The following PYM1 variants were observed in gnomAD, a reference collection of about 807,000 sequenced individuals.
PYM1 encodes partner of Y14 and mago.
A neutral mutation model predicts 20.7 loss-of-function variants in PYM1; 7 were observed. That is an observed-to-expected ratio of 0.34 (90% CI 0.19 to 0.64). PYM1 has a LOEUF of 0.64. Ranked by LOEUF, PYM1 falls within the 30% of genes least tolerant of loss-of-function variation. The pLI, the probability that PYM1 is intolerant of heterozygous loss-of-function variation, is 0.74. For synonymous variants in PYM1, 100 were observed against 99.2 expected, an observed-to-expected ratio of 1.01 and a Z score of -0.05; for missense variants, 194 against 250.0, an observed-to-expected ratio of 0.78 and a Z score of 1.51.
At chr12:55,911,345 C>T (rs1163641982) in intron 1 of PYM1, among the ~76,000 whole-genome samples, 1 of 151,914 alleles carries the variant, frequency 6.6e-6, no homozygotes, top group Non-Finnish European at 1.5e-5. Flanking sequence ...CTCCTGACCT[C>T]ATGTGATCCA....
chr12:55,918,412 A>G (rs1883045381), intron 1 of PYM1, among the ~76,000 whole-genome samples: 1 of 151,766 alleles, frequency 6.6e-6, no homozygotes, highest in Non-Finnish European at 1.5e-5. Flanking sequence ...AAACCTGCAC[A>G]TTTTCTAAAT....
rs371509313 is a variant in PYM1, at chr12:55,902,241, G to A, written c.246C>T (p.Gly82=). The change falls in exon 3 of 3, where the codon GGC becomes GGT. Residue 82 remains glycine (G), a synonymous_variant. Transcript: ENST00000408946. The part of the protein sequence containing the change: ...TPSRPEGGEP[G]LSKTAKRNLK... ...GGTTACGTTTGGCTGTCTTGGAGAG[G>A]CCTGGTTCACCACCTTCAGGCCTGG... 1.2e-6 allele frequency: 2 copies of A among 1,614,164 alleles called. No individual in the cohort carries two copies. The highest frequency in any genetic ancestry group is 1.7e-6 in the Non-Finnish European group (2 of 1,180,032).
intron 1 of PYM1, among the ~76,000 whole-genome samples, chr12:55,918,092 C>CTTTTTTTTTTTTTTTTTT (rs1370515001): frequency 7.0e-6 from 1 of 143,412 alleles, no homozygotes; most frequent in African/African-American, 2.6e-5. Flanking sequence ...TACACATTTT[C>CTTTTTTTTTTTTTTTTTT]TTTTTTTTTT....
At chr12:55,926,166 A>G (rs1304354865) in intron 1 of PYM1, among the ~76,000 whole-genome samples, 1 of 152,242 alleles carries the variant, frequency 6.6e-6, no homozygotes, top group Admixed American at 6.5e-5. Flanking sequence ...CTTGCACAGT[A>G]TTTTATAAAT....
At chr12:55,904,611 A>T (rs889647689) in intron 1 of PYM1, among the ~76,000 whole-genome samples, 9 of 150,312 alleles carry the variant, frequency 6.0e-5, no homozygotes, top group South Asian at 2.1e-4. Flanking sequence ...AAAAAAAAAA[A>T]AAAAAAAAGA....
chr12:55,924,701 G>C (rs1397922533), intron 1 of PYM1, among the ~76,000 whole-genome samples: 1 of 152,164 alleles, frequency 6.6e-6, no homozygotes, highest in Non-Finnish European at 1.5e-5. Flanking sequence ...TTTTGAGACA[G>C]AGTCTCGCTC....
At position 55,904,539 on chromosome 12, in the gene PYM1, T is replaced by C. The variant is rs190270008; in HGVS notation, c.38-1059A>G. ...TGAACCCAGGAGGCGGACATTGCAG[T>C]GGGCAGAGATTGCGCCACTGCACTC... On this transcript the variant is annotated intron_variant, in intron 1 of 2. Transcript: ENST00000408946. Among the ~76,000 whole-genome samples the C allele has an allele frequency of 4.8e-3, 604 of 125,896 alleles. 7 individuals carry two copies. The highest frequency in any genetic ancestry group is 0.018 in the African/African-American group (574 of 32,492). 82.6% of individuals were successfully genotyped at this position (125,896 alleles called of 152,430 possible).
chr12:55,911,841 A>G (rs1257499036), intron 1 of PYM1, among the ~76,000 whole-genome samples: 1 of 151,210 alleles, frequency 6.6e-6, no homozygotes, highest in Non-Finnish European at 1.5e-5. Flanking sequence ...AACTCCATCA[A>G]GAAAAGAGAA....
chr12:55,908,592 C>T (rs1363600064), intron 1 of PYM1, among the ~76,000 whole-genome samples: 1 of 152,130 alleles, frequency 6.6e-6, no homozygotes, highest in Non-Finnish European at 1.5e-5. Context: ...GGGCCCACTC[C>T]TGTACTCCTA....
intron 1 of PYM1, among the ~76,000 whole-genome samples, chr12:55,924,078 A>G (rs1006402750): frequency 6.6e-6 from 1 of 151,672 alleles, no homozygotes; most frequent in South Asian, 2.1e-4. Flanking sequence ...TCTGTCTCAA[A>G]GAAAAAAAAA....
intron 1 of PYM1, among the ~76,000 whole-genome samples, chr12:55,908,420 ATCTT>A (rs988058705): frequency 1.3e-5 from 2 of 149,384 alleles, no homozygotes; most frequent in Non-Finnish European, 3.0e-5. Context: ...CAGAGTGAAA[ATCTT>A]TCTCAAAAAA....
chr12:55,906,670 T>C (rs1882822377), intron 1 of PYM1, among the ~76,000 whole-genome samples: 1 of 152,086 alleles, frequency 6.6e-6, no homozygotes, highest in Non-Finnish European at 1.5e-5. Context: ...GATTTTGAGA[T>C]GGAGTTTCGC....
intron 1 of PYM1, chr12:55,926,973 C>A (rs766909764): frequency 7.9e-7 from 1 of 1,264,232 alleles, no homozygotes; most frequent in South Asian, 1.6e-5. Context: ...GGGGGCGGGG[C>A]AAAGGAGGGG....
At chr12:55,907,463 C>CAAAAAAAAAAAAAAAA (rs770960966) in intron 1 of PYM1, among the ~76,000 whole-genome samples, 1 of 52,006 alleles carries the variant, frequency 1.9e-5, no homozygotes, top group African/African-American at 6.3e-5. Context: ...TACATAAATA[C>CAAAAAAAAAAAAAAAA]AAAAAAAAAA....
At chr12:55,914,197 C>T in intron 1 of PYM1, 1 of 666,498 alleles carries the variant, frequency 1.5e-6, no homozygotes, top group South Asian at 1.6e-5. Flanking sequence ...TAATGAAAGG[C>T]AGAGCAGAAG....
intron 1 of PYM1, 138 bp from the exon 2 acceptor site, chr12:55,903,618 C>A: frequency 1.4e-6 from 1 of 713,818 alleles, no homozygotes; most frequent in Non-Finnish European, 2.3e-6. Context: ...TTTTCTCATA[C>A]CAACACTCAA....
intron 1 of PYM1, 26 bp downstream of exon 1, chr12:55,927,699 G>C: frequency 6.5e-7 from 1 of 1,539,430 alleles, no homozygotes; most frequent in South Asian, 1.2e-5. Flanking sequence ...GGGCGTGCAA[G>C]GCGGAGGGCG....
At chr12:55,920,689 A>G (rs1883083697) in intron 1 of PYM1, among the ~76,000 whole-genome samples, 1 of 152,156 alleles carries the variant, frequency 6.6e-6, no homozygotes, top group African/African-American at 2.4e-5. Context: ...AATGCCGAAA[A>G]AGATGCATGC....
chr12:55,907,407 T>C (rs1247745236), intron 1 of PYM1, among the ~76,000 whole-genome samples: 2 of 138,754 alleles, frequency 1.4e-5, no homozygotes, highest in African/African-American at 5.5e-5. Context: ...AAAACCAGCC[T>C]GGACAACATG....
Sources: allele counts gnomAD v4.1 joint callset (sites outside exome capture counted in the v4.1 genomes callset), GRCh38; gene constraint gnomAD v4.1.1; transcripts MANE v1.5; gene names NCBI Gene and HGNC (gene_info 2026-07-23, HGNC 2026-07-21).